The following PGM1 variants were observed in gnomAD, a reference collection of about 807,000 sequenced individuals.
The protein encoded by PGM1 is phosphoglucomutase-1.
A neutral mutation model predicts 55.6 loss-of-function variants in PGM1; 52 were observed. The observed-to-expected ratio is 0.94, with a 90% CI of 0.75 to 1.18. The LOEUF is 1.18. Ranked by LOEUF, PGM1 falls within the 50% of genes most tolerant of loss-of-function variation. PGM1 has a pLI of 0.00. For synonymous variants in PGM1, 287 were observed against 271.7 expected, an observed-to-expected ratio of 1.06 and a Z score of -0.55; for missense variants, 724 against 729.3, an observed-to-expected ratio of 0.99 and a Z score of 0.08.
intron 1 of PGM1, among the ~76,000 whole-genome samples, chr1:63,598,571 TAGTAGC>T (rs774005158): frequency 1.3e-5 from 2 of 152,184 alleles, no homozygotes; most frequent in Non-Finnish European, 2.9e-5. Context: ...GTAGTAGTAA[TAGTAGC>T]AGTAGTAGTA....
chr1:63,634,934 A>AC lies in PGM1; in HGVS notation c.792dup (p.Asn265GlnfsTer7). On this transcript the variant is annotated frameshift_variant, in exon 5 of 11. Coordinates refer to ENST00000371084, the MANE Select transcript of PGM1 (RefSeq NM_002633.3). LOFTEE classifies it high-confidence loss of function. ...GAGGACTTTGGAGGCCACCACCCTG[A>AC]CCCCAACCTCACCTATGCAGCTGAC... 6.2e-7 allele frequency: 1 copy of AC among 1,613,978 alleles called. No individual in the cohort carries two copies. The highest frequency in any genetic ancestry group is 8.5e-7 in the Non-Finnish European group (1 of 1,179,982).
intron 1 of PGM1, among the ~76,000 whole-genome samples, chr1:63,611,635 T>C (rs976318160): frequency 7.9e-5 from 12 of 152,200 alleles, no homozygotes; most frequent in African/African-American, 2.9e-4. Flanking sequence ...CCGGGCGCAG[T>C]GGCTCTCACC....
At chr1:63,599,122 C>T (rs1461377035) in intron 1 of PGM1, among the ~76,000 whole-genome samples, 3 of 152,074 alleles carry the variant, frequency 2.0e-5, no homozygotes, top group Admixed American at 2.0e-4. Context: ...AACTTTAAAC[C>T]TTATATCCCT....
chr1:63,629,796 T>C (rs1016209465), intron 2 of PGM1, 146 bp from the exon 3 acceptor site: 9 of 1,070,468 alleles, frequency 8.4e-6, no homozygotes, highest in Non-Finnish European at 1.1e-5. Context: ...TAACATGATA[T>C]TTTCTTTTAG....
intron 1 of PGM1, among the ~76,000 whole-genome samples, chr1:63,623,981 T>A (rs537649570): frequency 9.2e-5 from 14 of 152,296 alleles, no homozygotes; most frequent in African/African-American, 3.4e-4. Context: ...GCTTCTTAGG[T>A]ATTATGCTGT....
In PGM1 at chr1:63,635,071, G is replaced by A. The variant is rs375263927; in HGVS notation, c.873+52G>A. On this transcript the variant is annotated intron_variant, in intron 5 of 10. Coordinates refer to ENST00000371084, the MANE Select transcript of PGM1 (RefSeq NM_002633.3). The stretch of plus-strand genomic sequence containing the variant: ...TCTGGTGCAGGCCAGGCCTGATCCT[G>A]CAGATGGGGAAAAAAGTGGGCTGCT... The A allele has an allele frequency of 1.5e-5, 22 of 1,503,474 alleles. No individual in the cohort carries two copies. In the African/African-American group the frequency reaches 2.9e-4, roughly 20 times the overall value. The allele number at this position is 1,503,474 out of a possible 1,614,324, so 93.1% of individuals were successfully genotyped here.
At chr1:63,621,896 C>T (rs998348149) in intron 1 of PGM1, among the ~76,000 whole-genome samples, 9 of 152,036 alleles carry the variant, frequency 5.9e-5, no homozygotes, top group African/African-American at 1.2e-4. Context: ...AGAGCAGCCC[C>T]GGAACACAGC....
chr1:63,607,886 C>T (rs772200675), intron 1 of PGM1, among the ~76,000 whole-genome samples: 20 of 152,112 alleles, frequency 1.3e-4, no homozygotes, highest in Non-Finnish European at 2.4e-4. Flanking sequence ...TCACCTAAAG[C>T]GATGTAACAA....
chr1:63,598,065 G>T (rs968294811), intron 1 of PGM1, among the ~76,000 whole-genome samples: 6 of 152,130 alleles, frequency 3.9e-5, no homozygotes, highest in Non-Finnish European at 8.8e-5. Context: ...AGTCTCCCCA[G>T]GTTCAGTTGA....
Position 63,639,984 on chromosome 1 carries a change from G to T in PGM1, c.1144+1184G>T, listed in dbSNP as rs185220021. ...GGGGTTGAACAACTTCCACAACAAA[G>T]GCTAGACAGTTTCCCAAAGTTGTGG... is the stretch of plus-strand genomic sequence containing the variant. On this transcript the variant is annotated intron_variant, in intron 7 of 10. Transcript: ENST00000371084. Among the ~76,000 whole-genome samples the T allele has an allele frequency of 6.7e-4, 102 of 152,320 alleles. No homozygotes were observed. The Middle Eastern group carries it at 0.02, about 30-fold the overall frequency.
intron 1 of PGM1, among the ~76,000 whole-genome samples, chr1:63,604,304 C>T (rs1331507438): frequency 6.6e-6 from 1 of 152,150 alleles, no homozygotes; most frequent in African/African-American, 2.4e-5. Context: ...TATTGTGGGT[C>T]AGCAGGCCAA....
intron 1 of PGM1, among the ~76,000 whole-genome samples, chr1:63,606,888 C>T (rs537781526): frequency 2.6e-5 from 4 of 152,286 alleles, no homozygotes; most frequent in East Asian, 1.9e-4. Context: ...AGACCTTGGC[C>T]GTCAATTATT....
At chr1:63,631,471 T>TA (rs1557432164) in intron 3 of PGM1, among the ~76,000 whole-genome samples, 186 bp from the exon 4 acceptor site, 1 of 152,220 alleles carries the variant, frequency 6.6e-6, no homozygotes, top group Admixed American at 6.5e-5. Context: ...AAATTGTTAG[T>TA]ATTGGGTAAG....
At chr1:63,651,102 A>G (rs528760463) in intron 8 of PGM1, among the ~76,000 whole-genome samples, 1 of 151,928 alleles carries the variant, frequency 6.6e-6, no homozygotes, top group African/African-American at 2.4e-5. Flanking sequence ...TTTTAGATGT[A>G]AAGAGTCAGT....
intron 1 of PGM1, among the ~76,000 whole-genome samples, chr1:63,601,488 C>T (rs1021025625): frequency 2.6e-5 from 4 of 152,184 alleles, no homozygotes; most frequent in Admixed American, 2.0e-4. Flanking sequence ...TCCCTTTATT[C>T]TCCTCCAAGT....
In PGM1 at chr1:63,654,398, G is replaced by C. The variant is rs757735505; in HGVS notation, c.1531G>C (p.Gly511Arg). 3 of 1,613,730 alleles carry C rather than the reference G, an allele frequency of 1.9e-6. No individual in the cohort carries two copies. The highest frequency in any genetic ancestry group is 2.5e-6 in the Non-Finnish European group (3 of 1,179,678). Residue 511 changes from glycine to arginine, a missense_variant, in exon 10 of 11, where the codon GGG (glycine) becomes CGG (arginine). Physicochemically the swap from Gly to Arg is moderately radical, Grantham distance 125. This residue lies in a region of PGM1 where 316 missense variants were observed against 313.1 expected (regional missense o/e 1.01). Transcript: ENST00000371084. ...CCGACTGAGCGGCACTGGGAGTGCC[G>C]GGGCCACCATTCGGCTGTACATCGA... is the stretch of plus-strand genomic sequence containing the variant. ...VFRLSGTGSA[G>R]ATIRLYIDSY...
At chr1:63,633,043 A>G (rs572346638) in intron 4 of PGM1, among the ~76,000 whole-genome samples, 2 of 152,230 alleles carry the variant, frequency 1.3e-5, no homozygotes, top group African/African-American at 4.8e-5. Context: ...AAAATCCCTA[A>G]AAAACTAACT....
intron 8 of PGM1, 53 bp downstream of exon 8, chr1:63,648,705 G>A: frequency 6.3e-7 from 1 of 1,592,782 alleles, no homozygotes. Flanking sequence ...TGGGCAGAGA[G>A]AATTCTTGCG....
chr1:63,658,768 AG>A (rs1372167440), intron 10 of PGM1, among the ~76,000 whole-genome samples: 1 of 148,896 alleles, frequency 6.7e-6, no homozygotes, highest in African/African-American at 2.5e-5. Context: ...AAAAAAAAAA[AG>A]ATTCCTGTAT....
Sources: allele counts gnomAD v4.1 joint callset (sites outside exome capture counted in the v4.1 genomes callset), GRCh38; gene constraint gnomAD v4.1.1; regional missense constraint gnomAD v4.1.1; transcripts MANE v1.5; gene names NCBI Gene and HGNC (gene_info 2026-07-23, HGNC 2026-07-21).